Variants in ENKUR observed in about 807,000 individuals in gnomAD.
ENKUR encodes enkurin, TRPC channel interacting protein.
Under a neutral mutation model 27.6 loss-of-function variants are expected in ENKUR, and 19 were observed. The ratio of observed to expected loss-of-function variants is 0.69; its 90% CI spans 0.48 to 1.01. The LOEUF (loss-of-function observed/expected upper bound fraction) is 1.01. Ranked by LOEUF, ENKUR falls within the 50% of genes least tolerant of loss-of-function variation. The pLI is 0.00. For missense variants in ENKUR, 312 were observed against 310.5 expected (o/e 1.00, Z -0.04); for synonymous variants, 117 against 96.9 (o/e 1.21, Z -1.22).
chr10:24,999,320 T>G, intron 2 of ENKUR, 81 bp downstream of exon 2: 1 of 1,375,682 alleles, frequency 7.3e-7, no homozygotes, highest in Non-Finnish European at 9.9e-7. Flanking sequence ...TGTGCATGTT[T>G]AATATTCATC....
intron 2 of ENKUR, among the ~76,000 whole-genome samples, chr10:25,049,592 A>C (rs545606081): frequency 2.8e-4 from 43 of 152,284 alleles, no homozygotes; most frequent in African/African-American, 1.0e-3. Flanking sequence ...GTTCGAGACC[A>C]GCCTGGCCAA....
intron 1 of ENKUR, among the ~76,000 whole-genome samples, chr10:25,014,500 CTG>C (rs1171056301): frequency 1.3e-5 from 2 of 151,786 alleles, no homozygotes; most frequent in East Asian, 3.8e-4. Context: ...TGAATAAAGA[CTG>C]TTCCTATAAA....
intron 2 of ENKUR, among the ~76,000 whole-genome samples, chr10:25,034,139 C>A (rs2130460371): frequency 6.6e-6 from 1 of 152,066 alleles, no homozygotes; most frequent in East Asian, 1.9e-4. Flanking sequence ...CAAAAATTTA[C>A]AGTAAAACGT....
chr10:25,026,240 C>T (rs1850849824), intron 2 of ENKUR: 1 of 166,898 alleles, frequency 6.0e-6, no homozygotes. Context: ...GTGTATCTCA[C>T]ACTGTCCAAA....
chr10:25,060,080 T>C (rs1282875467), intron 2 of ENKUR, among the ~76,000 whole-genome samples: 1 of 152,186 alleles, frequency 6.6e-6, no homozygotes, highest in East Asian at 1.9e-4. Flanking sequence ...CCTGGGCTTC[T>C]CTGCTTCCTG....
intron 2 of ENKUR, among the ~76,000 whole-genome samples, chr10:25,060,717 G>GT (rs1263473124): frequency 2.6e-5 from 4 of 152,072 alleles, no homozygotes; most frequent in Non-Finnish European, 5.9e-5. Context: ...ACGTGTTTTT[G>GT]TTTTTTTAGA....
chr10:25,024,554 TAA>T, intron 2 of ENKUR: 1 of 1,614,146 alleles, frequency 6.2e-7, no homozygotes. Flanking sequence ...CAGACAGCTA[TAA>T]AAAGAATTTT....
upstream of ENKUR, chr10:25,016,193 G>C (rs1349144523): frequency 8.5e-7 from 1 of 1,174,616 alleles, no homozygotes; most frequent in Non-Finnish European, 1.1e-6. Flanking sequence ...AGGCAACGAG[G>C]AAGTGGCAGG....
chr10:25,023,777 TA>T (rs1233958148), intron 2 of ENKUR: 7 of 1,613,924 alleles, frequency 4.3e-6, no homozygotes, highest in Non-Finnish European at 5.1e-6. Flanking sequence ...ATGAAAGACT[TA>T]CTTAAATTTA....
intron 2 of ENKUR, among the ~76,000 whole-genome samples, chr10:25,037,417 T>C (rs1265443847): frequency 6.6e-6 from 1 of 152,232 alleles, no homozygotes; most frequent in Non-Finnish European, 1.5e-5. Context: ...AGAGAAATTC[T>C]GGCTTGGAAA....
chr10:25,031,658 C>G (rs1053434775), intron 2 of ENKUR, among the ~76,000 whole-genome samples: 1 of 151,684 alleles, frequency 6.6e-6, no homozygotes, highest in Non-Finnish European at 1.5e-5. Context: ...TTTATCCTTT[C>G]TGGGAGGGAT....
intron 1 of ENKUR, among the ~76,000 whole-genome samples, chr10:25,012,751 G>A (rs978934575): frequency 3.3e-5 from 5 of 152,178 alleles, no homozygotes; most frequent in Non-Finnish European, 5.9e-5. Flanking sequence ...GGACTTGCCT[G>A]GTCTCAAATG....
At chr10:25,039,355 G>A (rs4747511) in intron 2 of ENKUR, among the ~76,000 whole-genome samples, 38,966 of 152,062 alleles carry the variant, frequency 0.26, 6,195 homozygotes, top group East Asian at 0.5. Context: ...TGAGGCAGGA[G>A]GATCGCTTGA....
chr10:25,017,170 A>G (rs1435718700), upstream of ENKUR, among the ~76,000 whole-genome samples: 2 of 152,232 alleles, frequency 1.3e-5, no homozygotes, highest in African/African-American at 4.8e-5. Flanking sequence ...AACTAAGAGG[A>G]GAAGCCTTTT....
At chr10:25,014,111 C>T (rs185283595) in intron 1 of ENKUR, among the ~76,000 whole-genome samples, 6 of 152,082 alleles carry the variant, frequency 3.9e-5, no homozygotes, top group African/African-American at 1.4e-4. Flanking sequence ...CAGAAAAGTG[C>T]CTTTCATCCG....
At position 24,982,719 on chromosome 10, in the gene ENKUR, T is replaced by C. The variant is rs1849694302; in HGVS notation, c.*1651A>G. On this transcript the variant is annotated 3_prime_UTR_variant, in exon 6 of 6. Coordinates refer to ENST00000331161, the MANE Select transcript of ENKUR (RefSeq NM_145010.4). The stretch of plus-strand genomic sequence containing the variant: ...TCTATCCAAGTTTGGGATCCCGTGG[T>C]AGGGATCACCTTTCCAGGAACAATG... 1 of 152,206 alleles carries C rather than the reference T, an allele frequency of 6.6e-6. No individual in the cohort carries two copies. Among genetic ancestry groups the C allele is most frequent in the South Asian group, 2.1e-4 (1 of 4,814 alleles). 9.4% of individuals were successfully genotyped at this position (152,206 alleles called of 1,614,324 possible). A position where few individuals can be genotyped will look rare whatever the true frequency, so the allele number is the denominator to read the frequency against.
intron 1 of ENKUR, among the ~76,000 whole-genome samples, chr10:25,002,430 G>T (rs1310833284): frequency 1.3e-5 from 2 of 152,118 alleles, no homozygotes; most frequent in African/African-American, 4.8e-5. Flanking sequence ...AGACTCCTAG[G>T]CTTTGTTTTA....
intron 2 of ENKUR, among the ~76,000 whole-genome samples, chr10:25,034,385 G>A (rs916781999): frequency 6.6e-6 from 1 of 152,040 alleles, no homozygotes; most frequent in Non-Finnish European, 1.5e-5. Flanking sequence ...GCATAACATA[G>A]TTTTCTAGTC....
intron 1 of ENKUR, among the ~76,000 whole-genome samples, chr10:25,006,595 C>T (rs1184826931): frequency 6.6e-6 from 1 of 152,094 alleles, no homozygotes; most frequent in Non-Finnish European, 1.5e-5. Context: ...GTAGCTCTAC[C>T]TTACTTTTCT....
Sources: allele counts gnomAD v4.1 joint callset (sites outside exome capture counted in the v4.1 genomes callset), GRCh38; gene constraint gnomAD v4.1.1; transcripts MANE v1.5; gene names NCBI Gene and HGNC (gene_info 2026-07-23, HGNC 2026-07-21).